The following DMXL2 variants were observed in gnomAD, a reference collection of about 807,000 sequenced individuals.
The protein encoded by DMXL2 is Dmx like 2.
DMXL2 carries 103 observed loss-of-function variants against 331.1 expected under a neutral mutation model. That is an observed-to-expected ratio of 0.31 (90% CI 0.27 to 0.37). DMXL2 has a LOEUF of 0.37. Ranked by LOEUF, DMXL2 falls within the 10% of genes least tolerant of loss-of-function variation. The pLI, the probability that DMXL2 is intolerant of heterozygous loss-of-function variation, is 1.00. For missense variants in DMXL2, 3,171 were observed against 3,642.9 expected (o/e 0.87, Z 3.33); for synonymous variants, 1,281 against 1,252.1 (o/e 1.02, Z -0.49).
In DMXL2 at chr15:51,491,664, C is replaced by G; in HGVS notation, c.4867G>C (p.Gly1623Arg). ...CTTAATTCAGACCACTGGGGGTCCC[C>G]TCTCTGAATTGCTGGAATCATATTA... ...LINMIPAIQR[G>R]DPQWSELRAM... is the part of the protein sequence containing the mutation. Residue 1623 changes from glycine (G) to arginine (R), a missense_variant, in exon 20 of 44, where the codon GGG (glycine) becomes CGG (arginine). This residue lies in a region of DMXL2 where 252 missense variants were observed against 387.4 expected (regional missense o/e 0.65). Coordinates refer to ENST00000560891, the MANE Select transcript of DMXL2 (RefSeq NM_001378457.1). 6.2e-7 allele frequency: 1 copy of G among 1,613,700 alleles called. No individual in the cohort carries two copies. Among genetic ancestry groups the G allele is most frequent in the South Asian group, 1.1e-5 (1 of 90,986 alleles).
chr15:51,475,717 G>T (rs2041523397), intron 27 of DMXL2, among the ~76,000 whole-genome samples: 1 of 152,022 alleles, frequency 6.6e-6, no homozygotes, highest in Non-Finnish European at 1.5e-5. Context: ...GGGACAACTG[G>T]CAAAATTCAA....
At chr15:51,475,068 A>T (rs10467923) in intron 27 of DMXL2, among the ~76,000 whole-genome samples, 1 of 152,024 alleles carries the variant, frequency 6.6e-6, no homozygotes, top group Non-Finnish European at 1.5e-5. Context: ...AACCACCTTA[A>T]CAAGTGATCA....
chr15:51,557,742 T>C (rs961629784), intron 6 of DMXL2, among the ~76,000 whole-genome samples: 23 of 152,174 alleles, frequency 1.5e-4, no homozygotes, highest in African/African-American at 5.3e-4. Flanking sequence ...TTTGATTTTA[T>C]GACAAAAGTG....
intron 1 of DMXL2, 50 bp downstream of exon 1, chr15:51,622,409 C>A: frequency 6.5e-7 from 1 of 1,549,590 alleles, no homozygotes; most frequent in South Asian, 1.2e-5. Context: ...GTCCCTGCCC[C>A]CGCGTCTGGC....
intron 6 of DMXL2, among the ~76,000 whole-genome samples, chr15:51,554,043 C>T (rs2049392893): frequency 6.6e-6 from 1 of 152,074 alleles, no homozygotes; most frequent in African/African-American, 2.4e-5. Flanking sequence ...GATCATAGTG[C>T]CATTAACGAT....
At chr15:51,460,266 A>G in intron 33 of DMXL2, 1 of 985,530 alleles carries the variant, frequency 1.0e-6, no homozygotes, top group Non-Finnish European at 1.2e-6. Flanking sequence ...AGGTTTGATC[A>G]GAGAAACAAA....
intron 1 of DMXL2, among the ~76,000 whole-genome samples, chr15:51,582,004 G>A (rs571415074): frequency 1.8e-4 from 27 of 152,226 alleles, no homozygotes; most frequent in African/African-American, 4.6e-4. Context: ...AACTCCCACC[G>A]CTCCCTGGGA....
At chr15:51,520,613 T>C (rs1026982097) in intron 13 of DMXL2, among the ~76,000 whole-genome samples, 6 of 152,160 alleles carry the variant, frequency 3.9e-5, no homozygotes, top group Admixed American at 3.9e-4. Context: ...TCCCAGCACT[T>C]TGGGGGGCCG....
At position 51,456,145 on chromosome 15, in the gene DMXL2, C is replaced by T. The variant is rs769856719; in HGVS notation, c.8447G>A (p.Arg2816Gln). The T allele has an allele frequency of 2.4e-5, 38 of 1,613,956 alleles. No homozygotes were observed. The highest frequency in any genetic ancestry group is 1.9e-4 in the South Asian group (17 of 91,080). ...ACGAAAGCAGACAAGTTGCTGAGGC[C>T]GCGTCCATTCAAACATTCGTACACT... ...DGSVRMFEWT[R>Q]PQQLVCFRQA... is the part of the protein sequence containing the mutation. Residue 2816 changes from arginine to glutamine, a missense_variant, in exon 39 of 44, where the codon CGG (arginine) becomes CAG (glutamine). Coordinates refer to ENST00000560891, the MANE Select transcript of DMXL2 (RefSeq NM_001378457.1).
intron 6 of DMXL2, 96 bp from the exon 7 acceptor site, chr15:51,547,504 A>T: frequency 2.6e-6 from 2 of 780,490 alleles, no homozygotes; most frequent in Non-Finnish European, 3.8e-6. Context: ...GTTACATCTA[A>T]AAACTAATAT....
chr15:51,508,317 A>AC (rs1754243058), intron 15 of DMXL2, among the ~76,000 whole-genome samples: 1 of 152,210 alleles, frequency 6.6e-6, no homozygotes, highest in Non-Finnish European at 1.5e-5. Context: ...CGCAGAACTT[A>AC]AAGTATAATA....
chr15:51,483,647 G>A lies in DMXL2; in HGVS notation c.5483-2024C>T, dbSNP rs541997507. 2.2e-4 allele frequency among the ~76,000 whole-genome samples: 33 copies of A among 150,696 alleles called. No homozygotes were observed. The South Asian group carries it at 5.1e-3, about 23-fold the overall frequency. On this transcript the variant is annotated intron_variant, in intron 23 of 43. Transcript: ENST00000560891. Reference sequence around the variant, plus strand: ...CCACACTCAGGACCTCAGAAACAGCGTGCAGCGCCCCTGCTCCCTGCACTC... The same window carrying A: ...CCACACTCAGGACCTCAGAAACAGCATGCAGCGCCCCTGCTCCCTGCACTC...
chr15:51,533,903 T>C (rs991695983), intron 13 of DMXL2, among the ~76,000 whole-genome samples: 5 of 152,158 alleles, frequency 3.3e-5, no homozygotes, highest in African/African-American at 4.8e-5. Context: ...GCTGGTGACA[T>C]AGTCATAAAG....
In DMXL2 at chr15:51,564,277, G is replaced by C; in HGVS notation, c.365-17C>G. ...ATCTATTATCTGAAAATTAAAGAAT[G>C]TTATGATGAATATGCAAATATTATA... On this transcript the variant is annotated splice_polypyrimidine_tract_variant and intron_variant, in intron 4 of 43. Coordinates refer to ENST00000560891, the MANE Select transcript of DMXL2 (RefSeq NM_001378457.1). The C allele has an allele frequency of 1.3e-6, 2 of 1,551,370 alleles. No homozygotes were observed. Among genetic ancestry groups the C allele is most frequent in the Non-Finnish European group, 1.7e-6 (2 of 1,150,952 alleles).
At chr15:51,479,031 T>C (rs1163566609) in intron 25 of DMXL2, among the ~76,000 whole-genome samples, 3 of 152,208 alleles carry the variant, frequency 2.0e-5, no homozygotes, top group Non-Finnish European at 4.4e-5. Context: ...TTATACAGAT[T>C]ACTCTTTGAA....
At chr15:51,593,852 G>C (rs1270156042) in intron 1 of DMXL2, among the ~76,000 whole-genome samples, 3 of 152,196 alleles carry the variant, frequency 2.0e-5, no homozygotes, top group Admixed American at 2.0e-4. Flanking sequence ...AAATAAAGAT[G>C]TTCTTTGAAA....
At position 51,565,078 on chromosome 15, in the gene DMXL2, T is replaced by C. The variant is rs1386399918; in HGVS notation, c.364+10A>G. 3 of 1,460,244 alleles carry C rather than the reference T, an allele frequency of 2.1e-6. No individual in the cohort carries two copies. The South Asian group carries it at 4.6e-5, about 23-fold the overall frequency. 90.5% of individuals were successfully genotyped at this position (1,460,244 alleles called of 1,614,324 possible). A position where few individuals can be genotyped will look rare whatever the true frequency, so the allele number is the denominator to read the frequency against. ...TAATTTAAATAATTTTAAATACAAT[T>C]GCTAAATACCTTGAGGATCCCATGC... is the stretch of plus-strand genomic sequence containing the variant. On this transcript the variant is annotated intron_variant, in intron 4 of 43. Coordinates refer to ENST00000560891, the MANE Select transcript of DMXL2 (RefSeq NM_001378457.1).
chr15:51,490,059 T>C (rs1364399761), intron 20 of DMXL2, among the ~76,000 whole-genome samples: 1 of 152,212 alleles, frequency 6.6e-6, no homozygotes, highest in Non-Finnish European at 1.5e-5. Flanking sequence ...ACTGTATCAT[T>C]TATATCCTTT....
intron 1 of DMXL2, among the ~76,000 whole-genome samples, chr15:51,587,325 C>A (rs926965612): frequency 3.9e-5 from 6 of 152,070 alleles, no homozygotes; most frequent in South Asian, 4.2e-4. Flanking sequence ...CCCGTCCCCC[C>A]ACCCCACAAC....
Sources: allele counts gnomAD v4.1 joint callset (sites outside exome capture counted in the v4.1 genomes callset), GRCh38; gene constraint gnomAD v4.1.1; regional missense constraint gnomAD v4.1.1; transcripts MANE v1.5; gene names NCBI Gene and HGNC (gene_info 2026-07-23, HGNC 2026-07-21).